RERE: variants seen among roughly 807,000 people sequenced by gnomAD.
RERE encodes the protein arginine-glutamic acid dipeptide repeats protein.
In RERE, 40 loss-of-function variants were observed where a neutral mutation model predicts 146.1. The observed-to-expected ratio is 0.27, with a 90% CI of 0.21 to 0.36. The LOEUF (loss-of-function observed/expected upper bound fraction) is 0.36. Ranked by LOEUF, RERE falls within the 10% of genes least tolerant of loss-of-function variation. The pLI is 1.00. For synonymous variants in RERE, 1,003 were observed against 866.0 expected, an observed-to-expected ratio of 1.16 and a Z score of -2.78; for missense variants, 1,933 against 2,138.7, an observed-to-expected ratio of 0.90 and a Z score of 1.90.
chr1:8,673,969 G>T (rs963017910), intron 1 of RERE, among the ~76,000 whole-genome samples: 1 of 152,076 alleles, frequency 6.6e-6, no homozygotes, highest in Non-Finnish European at 1.5e-5. Context: ...GGAGGTTGAG[G>T]CAACAGTGAG....
At chr1:8,746,811 A>G (rs1398039402) in intron 1 of RERE, among the ~76,000 whole-genome samples, 1 of 133,076 alleles carries the variant, frequency 7.5e-6, no homozygotes, top group Non-Finnish European at 1.6e-5. Context: ...TATGGGGGGG[A>G]AGTGAGAGAG....
chr1:8,661,156 G>A (rs1393384558), intron 1 of RERE, among the ~76,000 whole-genome samples: 1 of 152,222 alleles, frequency 6.6e-6, no homozygotes, highest in Admixed American at 6.5e-5. Flanking sequence ...TTGACCCTGA[G>A]TAGGAGCATT....
chr1:8,563,343 CAGAGAG>C (rs147990773), intron 4 of RERE, among the ~76,000 whole-genome samples: 1 of 150,170 alleles, frequency 6.7e-6, no homozygotes, highest in Non-Finnish European at 1.5e-5. Flanking sequence ...AGGACTAGGG[CAGAGAG>C]AGAGAGAGAG....
At chr1:8,448,594 T>C (rs1459327291) in intron 11 of RERE, among the ~76,000 whole-genome samples, 9 of 152,060 alleles carry the variant, frequency 5.9e-5, no homozygotes, top group Admixed American at 5.9e-4. Flanking sequence ...CCATCTCTAC[T>C]AAAAACATAA....
At chr1:8,584,735 G>A (rs1646406375) in intron 4 of RERE, among the ~76,000 whole-genome samples, 1 of 152,144 alleles carries the variant, frequency 6.6e-6, no homozygotes, top group Non-Finnish European at 1.5e-5. Context: ...ACACACAGAA[G>A]GAGAAAAGGG....
At chr1:8,649,105 C>T (rs1405520609) in intron 2 of RERE, among the ~76,000 whole-genome samples, 1 of 152,144 alleles carries the variant, frequency 6.6e-6, no homozygotes, top group Middle Eastern at 3.2e-3. Flanking sequence ...CTACAGCAAA[C>T]TCCAGAAATC....
intron 11 of RERE, among the ~76,000 whole-genome samples, chr1:8,429,188 G>C (rs1218075197): frequency 6.6e-6 from 1 of 152,182 alleles, no homozygotes; most frequent in Non-Finnish European, 1.5e-5. Flanking sequence ...AGAGGCTACT[G>C]CTATTCCCAT....
In RERE at chr1:8,354,779, A is replaced by C. The variant is rs1641223257; in HGVS notation, c.*308T>G. ...ACTGGATTCTAGCACCTACTGAGAA[A>C]TCAAGGAAAAGAAAACTAAAGCCAA... On this transcript the variant is annotated 3_prime_UTR_variant, in exon 23 of 23. Transcript: ENST00000400908. The C allele has an allele frequency of 5.2e-6, 2 of 388,050 alleles. No homozygotes were observed. The highest frequency in any genetic ancestry group is 5.0e-5 in the East Asian group (1 of 20,174). The allele number at this position is 388,050 out of a possible 1,614,324, so 24.0% of individuals were successfully genotyped here.
At chr1:8,817,001 C>T (rs1283234088) in intron 1 of RERE, among the ~76,000 whole-genome samples, 159 bp downstream of exon 1, 1 of 152,200 alleles carries the variant, frequency 6.6e-6, no homozygotes, top group African/African-American at 2.4e-5. Flanking sequence ...AGTGCCCTGC[C>T]CTCGCCCGAC....
chr1:8,465,519 C>A (rs1473386873), intron 11 of RERE: 1 of 346,982 alleles, frequency 2.9e-6, no homozygotes, highest in Non-Finnish European at 5.7e-6. Context: ...AAACCCCCTT[C>A]TCTAAAATAA....
At chr1:8,654,147 C>A (rs1647794588) in intron 2 of RERE, among the ~76,000 whole-genome samples, 1 of 151,832 alleles carries the variant, frequency 6.6e-6, no homozygotes. Flanking sequence ...TCAAGGGATT[C>A]TTCTACCTCA....
At chr1:8,468,667 T>C (rs1644636919) in intron 10 of RERE, among the ~76,000 whole-genome samples, 1 of 152,034 alleles carries the variant, frequency 6.6e-6, no homozygotes, top group African/African-American at 2.4e-5. Flanking sequence ...GTAGGAAGAT[T>C]GAGTTCAGGA....
At chr1:8,745,566 C>A (rs1640403179) in intron 1 of RERE, among the ~76,000 whole-genome samples, 1 of 152,124 alleles carries the variant, frequency 6.6e-6, no homozygotes, top group African/African-American at 2.4e-5. Context: ...GGCTAAACTG[C>A]AAAAGGAGGT....
At chr1:8,586,250 G>C (rs1004018112) in intron 4 of RERE, among the ~76,000 whole-genome samples, 4 of 150,984 alleles carry the variant, frequency 2.6e-5, no homozygotes, top group African/African-American at 9.8e-5. Context: ...AAACTATAGT[G>C]TACAGACATC....
At chr1:8,391,677 T>C (rs1435805020) in intron 12 of RERE, among the ~76,000 whole-genome samples, 3 of 152,228 alleles carry the variant, frequency 2.0e-5, no homozygotes, top group East Asian at 3.8e-4. Flanking sequence ...ATTTCCATTA[T>C]TGCACTTATG....
At chr1:8,494,975 C>T in intron 10 of RERE, 88 bp downstream of exon 10, 2 of 976,066 alleles carry the variant, frequency 2.0e-6, no homozygotes, top group Non-Finnish European at 3.3e-6. Flanking sequence ...CAGGCGACTT[C>T]ATGCTCCGCA....
chr1:8,571,070 CT>C (rs1646215763), intron 4 of RERE, among the ~76,000 whole-genome samples: 1 of 152,130 alleles, frequency 6.6e-6, no homozygotes, highest in Non-Finnish European at 1.5e-5. Context: ...AAAAGGTATA[CT>C]ACTTTAAAAC....
rs369010557 is a variant in RERE, at chr1:8,641,672, G to T, written c.325+14301C>A. 5.9e-5 allele frequency among the ~76,000 whole-genome samples: 9 copies of T among 152,272 alleles called. No individual in the cohort carries two copies. In the East Asian group the frequency reaches 1.5e-3, roughly 26 times the overall value. Reference sequence around the variant, plus strand: ...CCAGGTTCTGTGCTGAACAAAGAAGGTCTTCTGAAGGCTGTCAGCTTGCTT... The same window carrying T: ...CCAGGTTCTGTGCTGAACAAAGAAGTTCTTCTGAAGGCTGTCAGCTTGCTT... On this transcript the variant is annotated intron_variant, in intron 2 of 22. Transcript: ENST00000400908.
At chr1:8,736,356 G>A (rs774707696) in intron 1 of RERE, among the ~76,000 whole-genome samples, 10 of 152,026 alleles carry the variant, frequency 6.6e-5, no homozygotes, top group African/African-American at 9.7e-5. Flanking sequence ...ACAGGCGCCC[G>A]CCACCACGCC....
Sources: allele counts gnomAD v4.1 joint callset (sites outside exome capture counted in the v4.1 genomes callset), GRCh38; gene constraint gnomAD v4.1.1; transcripts MANE v1.5; gene names NCBI Gene and HGNC (gene_info 2026-07-23, HGNC 2026-07-21).